Variants in LINGO2 observed in about 807,000 individuals in gnomAD.
The protein encoded by LINGO2 is leucine-rich repeat and immunoglobulin-like domain-containing nogo receptor-interacting protein 2.
A neutral mutation model predicts 30.6 loss-of-function variants in LINGO2; 14 were observed. The ratio of observed to expected loss-of-function variants is 0.46; its 90% CI spans 0.30 to 0.72. The LOEUF is 0.72. LINGO2 is among the 30% of genes least tolerant of loss of function. The probability of loss-of-function intolerance (pLI) is 0.07; values close to 1 mark genes in which losing one functional copy is unlikely to be tolerated. For synonymous variants in LINGO2, 317 were observed against 288.5 expected, an observed-to-expected ratio of 1.10 and a Z score of -1.00; for missense variants, 729 against 751.7, an observed-to-expected ratio of 0.97 and a Z score of 0.35.
At chr9:28,765,480 CAGG>C in the LINGO2 span, among the ~76,000 whole-genome samples, 1 of 152,014 alleles carries the variant, frequency 6.6e-6, no homozygotes, top group African/African-American at 2.4e-5. Flanking sequence ...GTGTTTGGAT[CAGG>C]AGGAGAGTCC....
chr9:28,648,605 T>C (rs539354993), intron 1 of LINGO2, among the ~76,000 whole-genome samples: 1 of 152,256 alleles, frequency 6.6e-6, no homozygotes, highest in African/African-American at 2.4e-5. Context: ...TGCTGTTTAA[T>C]TTTCATATCC....
intron 5 of LINGO2, among the ~76,000 whole-genome samples, chr9:27,994,168 T>C (rs1235886407): frequency 6.6e-6 from 1 of 151,914 alleles, no homozygotes; most frequent in African/African-American, 2.4e-5. Context: ...AACGGAAATT[T>C]ATAGCAATAA....
intron 4 of LINGO2, among the ~76,000 whole-genome samples, chr9:28,217,531 C>T (rs1820811405): frequency 6.6e-6 from 1 of 151,990 alleles, no homozygotes; most frequent in African/African-American, 2.4e-5. Flanking sequence ...AGAGCAAACA[C>T]CACCATAGAA....
intron 3 of LINGO2, among the ~76,000 whole-genome samples, chr9:28,321,402 A>T (rs1294342901): frequency 6.6e-6 from 1 of 152,176 alleles, no homozygotes; most frequent in Admixed American, 6.5e-5. Context: ...TGCAAAAGCC[A>T]GTGTGCTGAA....
the LINGO2 span, among the ~76,000 whole-genome samples, chr9:28,705,324 CA>C: frequency 6.6e-6 from 1 of 152,074 alleles, no homozygotes; most frequent in African/African-American, 2.4e-5. Context: ...AGACAAATAA[CA>C]GTCCTATAAT....
At chr9:28,914,158 G>A in the LINGO2 span, among the ~76,000 whole-genome samples, 1 of 152,144 alleles carries the variant, frequency 6.6e-6, no homozygotes, top group Non-Finnish European at 1.5e-5. Flanking sequence ...TACAATGTGT[G>A]TAATTCTTGA....
chr9:28,682,824 TTCA>T, the LINGO2 span, among the ~76,000 whole-genome samples: 1 of 152,258 alleles, frequency 6.6e-6, no homozygotes, highest in African/African-American at 2.4e-5. Context: ...TAGGAAGAAT[TTCA>T]TATTAAAACA....
At chr9:28,305,815 C>A (rs915969856) in intron 3 of LINGO2, among the ~76,000 whole-genome samples, 14 of 151,946 alleles carry the variant, frequency 9.2e-5, no homozygotes, top group Non-Finnish European at 1.6e-4. Flanking sequence ...ATGAATGTGG[C>A]GTTCATTCAT....
At chr9:28,906,234 A>G in the LINGO2 span, among the ~76,000 whole-genome samples, 1 of 152,070 alleles carries the variant, frequency 6.6e-6, no homozygotes, top group Non-Finnish European at 1.5e-5. Context: ...TTATTGTACA[A>G]TATGATGACT....
chr9:28,173,521 T>A (rs1213534737), intron 4 of LINGO2, among the ~76,000 whole-genome samples: 1 of 152,160 alleles, frequency 6.6e-6, no homozygotes, highest in Non-Finnish European at 1.5e-5. Flanking sequence ...GACCATAAGA[T>A]GAGCAACTCA....
the LINGO2 span, among the ~76,000 whole-genome samples, chr9:28,847,119 T>C: frequency 6.9e-6 from 1 of 145,322 alleles, no homozygotes; most frequent in Non-Finnish European, 1.5e-5. Context: ...ATTCTCTCAA[T>C]CAGAGGGGTA....
chr9:28,352,238 A>T, intron 3 of LINGO2, among the ~76,000 whole-genome samples: 1 of 151,764 alleles, frequency 6.6e-6, no homozygotes, highest in Non-Finnish European at 1.5e-5. Context: ...AAATGATTGT[A>T]TATCTAGAAA....
the LINGO2 span, among the ~76,000 whole-genome samples, chr9:28,874,954 C>G: frequency 1.3e-5 from 2 of 152,058 alleles, no homozygotes; most frequent in Non-Finnish European, 2.9e-5. Flanking sequence ...CATGCTAAGG[C>G]TTAACTAAAA....
chr9:28,499,768 G>A (rs1819809155), intron 1 of LINGO2, among the ~76,000 whole-genome samples: 3 of 152,156 alleles, frequency 2.0e-5, no homozygotes, highest in Admixed American at 1.3e-4. Context: ...CTTTATAGAT[G>A]TGACATTTCC....
At chr9:28,974,220 T>A in the LINGO2 span, among the ~76,000 whole-genome samples, 1 of 151,736 alleles carries the variant, frequency 6.6e-6, no homozygotes, top group Non-Finnish European at 1.5e-5. Flanking sequence ...GCCTGGCCAA[T>A]ATAGTGAAAC....
the LINGO2 span, among the ~76,000 whole-genome samples, chr9:29,168,015 T>A: frequency 2.6e-4 from 40 of 152,090 alleles, no homozygotes; most frequent in Non-Finnish European, 5.0e-4. Context: ...TATATCGAAA[T>A]CCACTAGTAC....
the LINGO2 span, among the ~76,000 whole-genome samples, chr9:28,925,592 T>C: frequency 1.3e-5 from 2 of 152,204 alleles, no homozygotes; most frequent in African/African-American, 4.8e-5. Context: ...TGGACTCTGC[T>C]CTCTTTGTAT....
chr9:28,989,910 G>A, the LINGO2 span, among the ~76,000 whole-genome samples: 10 of 152,178 alleles, frequency 6.6e-5, no homozygotes, highest in African/African-American at 4.8e-5. Context: ...ACTGTGAAGT[G>A]AGCCAAGATG....
chr9:29,018,838 A>G, the LINGO2 span, among the ~76,000 whole-genome samples: 2 of 152,202 alleles, frequency 1.3e-5, no homozygotes, highest in African/African-American at 4.8e-5. Context: ...GGTTTCTTAA[A>G]TCATCTTTCT....
Sources: gnomAD v4.1 joint callset for allele counts (sites outside exome capture counted in the v4.1 genomes callset) on GRCh38, gnomAD v4.1.1 for gene constraint, MANE v1.5 for transcripts, NCBI Gene and HGNC (gene_info 2026-07-23, HGNC 2026-07-21) for gene names.